Variants in SNX4 observed in about 807,000 individuals in gnomAD.
The protein encoded by SNX4 is sorting nexin-4.
SNX4 carries 49 observed loss-of-function variants against 70.8 expected under a neutral mutation model. The ratio of observed to expected loss-of-function variants is 0.69; its 90% confidence interval spans 0.55 to 0.88. SNX4 has a LOEUF of 0.88. Among genes scored for constraint, SNX4 ranks in the 40% least tolerant of loss-of-function variants. The pLI is 0.00. For synonymous variants in SNX4, 206 were observed against 183.8 expected (o/e 1.12, Z -0.98); for missense variants, 528 against 544.8 (o/e 0.97, Z 0.31).
chr3:125,518,705 A>C (rs1935330460), intron 1 of SNX4, among the ~76,000 whole-genome samples: 1 of 152,082 alleles, frequency 6.6e-6, no homozygotes, highest in South Asian at 2.1e-4. Flanking sequence ...CATCTCTACA[A>C]AAAATACAAA....
At chr3:125,508,786 CA>C (rs1935104111) in intron 1 of SNX4, among the ~76,000 whole-genome samples, 1 of 152,008 alleles carries the variant, frequency 6.6e-6, no homozygotes, top group South Asian at 2.1e-4. Context: ...ATTTTTCCAA[CA>C]AATGATGCTG....
chr3:125,488,247 G>A lies in SNX4; in HGVS notation c.653+1161C>T, dbSNP rs1305613955. Among the ~76,000 whole-genome samples the A allele has an allele frequency of 8.6e-5, 13 of 151,218 alleles. No homozygotes were observed. The South Asian group carries it at 1.3e-3, about 15-fold the overall frequency. ...TCCCAGAACTTTGGGAGGCCAAGGC[G>A]GGTGGATTGCTTGAAGTCAGGAGTT... On this transcript the variant is annotated intron_variant, in intron 6 of 13. Coordinates refer to ENST00000251775, the MANE Select transcript of SNX4 (RefSeq NM_003794.4).
chr3:125,476,403 CTCTA>C (rs1365017400), intron 8 of SNX4, among the ~76,000 whole-genome samples: 2 of 151,636 alleles, frequency 1.3e-5, no homozygotes, highest in Non-Finnish European at 2.9e-5. Flanking sequence ...GAAACCCCAT[CTCTA>C]CTAAAAATAC....
At chr3:125,500,212 A>C (rs1039575725) in intron 2 of SNX4, among the ~76,000 whole-genome samples, 1 of 152,186 alleles carries the variant, frequency 6.6e-6, no homozygotes, top group Non-Finnish European at 1.5e-5. Flanking sequence ...AATAGTACCT[A>C]AATGGTTTTA....
chr3:125,453,280 G>A (rs566964437), intron 12 of SNX4, among the ~76,000 whole-genome samples: 10 of 152,238 alleles, frequency 6.6e-5, no homozygotes, highest in East Asian at 3.9e-4. Context: ...ATTAAATGCC[G>A]TGATAGCCTG....
At chr3:125,451,592 A>G (rs945067413) in intron 12 of SNX4, among the ~76,000 whole-genome samples, 173 bp from the exon 13 acceptor site, 16 of 152,206 alleles carry the variant, frequency 1.1e-4, no homozygotes, top group African/African-American at 3.4e-4. Flanking sequence ...GGAAAAAGCA[A>G]ACAGACAGTC....
At chr3:125,451,003 C>CA (rs1386873927) in intron 13 of SNX4, among the ~76,000 whole-genome samples, 1 of 152,082 alleles carries the variant, frequency 6.6e-6, no homozygotes, top group Non-Finnish European at 1.5e-5. Flanking sequence ...TGGTGGCTCG[C>CA]ACCTGTAATT....
intron 1 of SNX4, among the ~76,000 whole-genome samples, chr3:125,508,962 C>T (rs1413604325): frequency 6.6e-6 from 1 of 152,118 alleles, no homozygotes; most frequent in Admixed American, 6.6e-5. Context: ...TTGGATATGA[C>T]ACCAAAGGCA....
intron 6 of SNX4, among the ~76,000 whole-genome samples, chr3:125,480,900 C>T (rs1262183996): frequency 6.6e-6 from 1 of 152,168 alleles, no homozygotes; most frequent in Non-Finnish European, 1.5e-5. Context: ...TTCTTCCCAT[C>T]TAACGCTCTA....
intron 1 of SNX4, among the ~76,000 whole-genome samples, chr3:125,516,111 A>G (rs1464009505): frequency 6.6e-6 from 1 of 152,232 alleles, no homozygotes; most frequent in African/African-American, 2.4e-5. Flanking sequence ...ACTCTGCTCC[A>G]TCAGCATTCC....
intron 8 of SNX4, 114 bp from the exon 9 acceptor site, chr3:125,469,633 C>T (rs547377977): frequency 1.1e-5 from 8 of 698,452 alleles, no homozygotes; most frequent in Admixed American, 2.7e-5. Flanking sequence ...GTATAGCACC[C>T]GTATTTGGGT....
At chr3:125,498,286 G>A in intron 2 of SNX4, 92 bp from the exon 3 acceptor site, 3 of 1,163,990 alleles carry the variant, frequency 2.6e-6, no homozygotes, top group Non-Finnish European at 3.6e-6. Flanking sequence ...ACTACAGAAT[G>A]ATTATGAACC....
In SNX4 at chr3:125,486,269, C is replaced by T. The variant is rs1432268726; in HGVS notation, c.653+3139G>A. Among the ~76,000 whole-genome samples the T allele has an allele frequency of 3.3e-5, 5 of 152,096 alleles. No individual in the cohort carries two copies. The East Asian group carries it at 7.7e-4, about 23-fold the overall frequency. On this transcript the variant is annotated intron_variant, in intron 6 of 13. Transcript: ENST00000251775. ...TGATATAACCTGATATTTAGAAGCT[C>T]GAGGAATAACCTCAACGTATCACAA...
In SNX4 at chr3:125,476,677, A is replaced by G; in HGVS notation, c.788+18T>C. On this transcript the variant is annotated intron_variant, in intron 8 of 13. Coordinates refer to ENST00000251775, the MANE Select transcript of SNX4 (RefSeq NM_003794.4). ...GGTAATTAAAGCTAATTATTTTTAAAGTTTGTATGATGCTTACCTGAAAAC... is the reference window on the plus strand; with the variant it reads ...GGTAATTAAAGCTAATTATTTTTAAGGTTTGTATGATGCTTACCTGAAAAC... The G allele has an allele frequency of 2.0e-6, 3 of 1,496,374 alleles. No homozygotes were observed. The highest frequency in any genetic ancestry group is 2.8e-6 in the Non-Finnish European group (3 of 1,077,150). The allele number at this position is 1,496,374 out of a possible 1,614,324, so 92.7% of individuals were successfully genotyped here. A position where few individuals can be genotyped will look rare whatever the true frequency, so the allele number is the denominator to read the frequency against.
chr3:125,469,591 C>T (rs1934117235), intron 8 of SNX4, 72 bp from the exon 9 acceptor site: 1 of 1,053,306 alleles, frequency 9.5e-7, no homozygotes, highest in East Asian at 2.4e-5. Context: ...GGACTCTTTT[C>T]AAGATTCTTG....
intron 9 of SNX4, among the ~76,000 whole-genome samples, chr3:125,466,155 A>AT (rs955914027): frequency 2.7e-5 from 4 of 149,106 alleles, no homozygotes; most frequent in African/African-American, 1.0e-4. Context: ...ATTATTTTAA[A>AT]TTTTTTATTT....
rs569352407 is a variant in SNX4 at position 125,447,683 on chromosome 3, A to G, written c.*96T>C. 13 of 747,068 alleles carry G rather than the reference A, an allele frequency of 1.7e-5. No individual in the cohort carries two copies. The highest frequency in any genetic ancestry group is 2.7e-5 in the Non-Finnish European group (12 of 451,248). The allele number at this position is 747,068 out of a possible 1,614,324, so 46.3% of individuals were successfully genotyped here. ...GCTGAATTTATTTAACTTATTGTAT[A>G]TGTTTATGTATACTAGGTAGTGACT... On this transcript the variant is annotated 3_prime_UTR_variant, in exon 14 of 14. Transcript: ENST00000251775.
At chr3:125,491,171 C>T (rs1453290297) in intron 5 of SNX4, among the ~76,000 whole-genome samples, 1 of 152,128 alleles carries the variant, frequency 6.6e-6, no homozygotes, top group Admixed American at 6.6e-5. Context: ...TTTCTAAAAT[C>T]AGTATTTCAC....
chr3:125,496,029 A>G (rs566738937), intron 5 of SNX4, among the ~76,000 whole-genome samples: 6 of 152,340 alleles, frequency 3.9e-5, no homozygotes, highest in Middle Eastern at 3.4e-3. Context: ...ATAGCTAGGC[A>G]CAGTAAAACT....
Sources: allele counts gnomAD v4.1 joint callset (sites outside exome capture counted in the v4.1 genomes callset), GRCh38; gene constraint gnomAD v4.1.1; transcripts MANE v1.5; gene names NCBI Gene and HGNC (gene_info 2026-07-23, HGNC 2026-07-21).